The following CRTAC1 variants were observed in gnomAD, a reference collection of about 807,000 sequenced individuals.
The protein encoded by CRTAC1 is acidic secreted protein in cartilage.
In CRTAC1, 37 loss-of-function variants were observed where a neutral mutation model predicts 67.8. The observed-to-expected ratio is 0.55, with a 90% CI of 0.42 to 0.72. The LOEUF (loss-of-function observed/expected upper bound fraction) is 0.72, where lower values mean the gene tolerates loss of function less well. CRTAC1 is among the 30% of genes least tolerant of loss of function. The pLI, the probability that CRTAC1 is intolerant of heterozygous loss-of-function variation, is 0.00. For synonymous variants in CRTAC1, 348 were observed against 371.0 expected (o/e 0.94, Z 0.71); for missense variants, 780 against 931.6 (o/e 0.84, Z 2.12).
At chr10:97,925,364 C>T (rs2050897292) in intron 3 of CRTAC1, among the ~76,000 whole-genome samples, 1 of 151,168 alleles carries the variant, frequency 6.6e-6, no homozygotes, top group African/African-American at 2.4e-5. Context: ...GAGACAATGG[C>T]TGAGAATGAG....
At chr10:97,899,397 AG>A (rs1257498685) in intron 8 of CRTAC1, among the ~76,000 whole-genome samples, 2 of 152,150 alleles carry the variant, frequency 1.3e-5, no homozygotes, top group African/African-American at 4.8e-5. Context: ...TCCCCGCTGC[AG>A]GGGACGCTGG....
intron 2 of CRTAC1, among the ~76,000 whole-genome samples, chr10:98,007,749 C>A (rs1354943871): frequency 6.6e-6 from 1 of 152,170 alleles, no homozygotes; most frequent in Non-Finnish European, 1.5e-5. Context: ...ACTCCAAAGT[C>A]CTATAGGACC....
chr10:97,874,121 C>T (rs1236765556), intron 14 of CRTAC1, among the ~76,000 whole-genome samples: 2 of 152,226 alleles, frequency 1.3e-5, no homozygotes, highest in South Asian at 2.1e-4. Context: ...TGAGGAGCAG[C>T]CGGCAACCCG....
At chr10:97,874,982 C>A (rs1300923642) in intron 14 of CRTAC1, among the ~76,000 whole-genome samples, 1 of 152,180 alleles carries the variant, frequency 6.6e-6, no homozygotes, top group Non-Finnish European at 1.5e-5. Context: ...AGGGCAGGGA[C>A]CTTTGCCAGT....
In CRTAC1 at chr10:98,029,749, GCCCCATCAAAGCCTCCAAGTGC is replaced by G. The variant is rs540876004; in HGVS notation, c.24+678_24+699del. ...GCATGCCCCCAAGCCCGGCCTGGCT[GCCCCATCAAAGCCTCCAAGTGC>G]CCCCACGGGGTCGAGGAGGACTCAG... On this transcript the variant is annotated intron_variant, in intron 1 of 14. Coordinates refer to ENST00000370597, the MANE Select transcript of CRTAC1 (RefSeq NM_018058.7). This position sits in a 1 kb window ranked among gnomAD's most constrained non-coding sequence, Gnocchi z 4.7. 7.9e-3 allele frequency among the ~76,000 whole-genome samples: 1,198 copies of G among 152,320 alleles called. 5 individuals carry two copies. The highest frequency in any genetic ancestry group is 0.017 in the South Asian group (84 of 4,826).
Position 97,895,489 on chromosome 10 carries a change from C to T in CRTAC1, c.1318-76G>A, listed in dbSNP as rs534904629. On this transcript the variant is annotated intron_variant, in intron 10 of 14. Transcript: ENST00000370597. This position sits in a 1 kb window ranked among gnomAD's most constrained non-coding sequence, Gnocchi z 4.2. ...GGGAAGAGCAGGGAGCCAGGGAGGA[C>T]GGGAGGGGGAGAGGGAGAAGAAGGA... 196 of 1,317,932 alleles carry T rather than the reference C, an allele frequency of 1.5e-4. No individual in the cohort carries two copies. The highest frequency in any genetic ancestry group is 2.5e-4 in the South Asian group (17 of 68,752). 81.6% of individuals were successfully genotyped at this position (1,317,932 alleles called of 1,614,324 possible). A position where few individuals can be genotyped will look rare whatever the true frequency, so the allele number is the denominator to read the frequency against.
At chr10:98,013,362 TA>T (rs373415977) in intron 1 of CRTAC1, among the ~76,000 whole-genome samples, 255 of 152,366 alleles carry the variant, frequency 1.7e-3, no homozygotes, top group African/African-American at 5.7e-3. Flanking sequence ...AATATGAGCC[TA>T]AAAGTTCTAA....
At chr10:97,920,851 C>G (rs988426298) in intron 4 of CRTAC1, among the ~76,000 whole-genome samples, 1 of 152,198 alleles carries the variant, frequency 6.6e-6, no homozygotes, top group Non-Finnish European at 1.5e-5. Flanking sequence ...GCTATATAAA[C>G]AATGAGGCAT....
At chr10:97,997,531 T>C (rs1349205506) in intron 2 of CRTAC1, among the ~76,000 whole-genome samples, 2 of 145,460 alleles carry the variant, frequency 1.4e-5, no homozygotes, top group East Asian at 4.1e-4. Flanking sequence ...GCAAATATAA[T>C]AAGGAAGCAA....
At chr10:97,996,139 A>G (rs1842562662) in intron 2 of CRTAC1, among the ~76,000 whole-genome samples, 1 of 151,772 alleles carries the variant, frequency 6.6e-6, no homozygotes, top group Non-Finnish European at 1.5e-5. Context: ...CCTAGAAGAA[A>G]ACCTAGGCAT....
At chr10:97,875,290 T>C (rs1461381522) in intron 14 of CRTAC1, among the ~76,000 whole-genome samples, 1 of 152,244 alleles carries the variant, frequency 6.6e-6, no homozygotes, top group Non-Finnish European at 1.5e-5. Flanking sequence ...GTGTGAGTAT[T>C]CATGGAGACA....
chr10:97,934,747 C>A (rs2051056215), intron 3 of CRTAC1, among the ~76,000 whole-genome samples: 1 of 152,092 alleles, frequency 6.6e-6, no homozygotes, highest in Non-Finnish European at 1.5e-5. Flanking sequence ...GGGCTTCATC[C>A]AAAGCTGACC....
chr10:97,923,524 G>A (rs1381174586), intron 3 of CRTAC1, 124 bp from the exon 4 acceptor site: 12 of 1,150,626 alleles, frequency 1.0e-5, no homozygotes, highest in African/African-American at 4.5e-5. Context: ...GGTCATCTGC[G>A]GCAAGGAAGA....
intron 3 of CRTAC1, among the ~76,000 whole-genome samples, chr10:97,925,243 C>G (rs2050895608): frequency 1.3e-5 from 2 of 152,170 alleles, no homozygotes; most frequent in Admixed American, 1.3e-4. Flanking sequence ...TGCACTCCAG[C>G]CTGGGTGACA....
Position 98,011,262 on chromosome 10 carries a change from TGG to T in CRTAC1, c.98_99del (p.Pro33HisfsTer13). On this transcript the variant is annotated frameshift_variant, in exon 2 of 15. Transcript: ENST00000370597. LOFTEE classifies it high-confidence loss of function. Reference sequence around the variant, plus strand: ...ACTGAGTTGGTGACTGCAGTGAACATGGGTTCAGCCCGCTGGGACCCCTCAGT... The same window carrying T: ...ACTGAGTTGGTGACTGCAGTGAACATGTTCAGCCCGCTGGGACCCCTCAGT... ...PITEGSQRAE[P>X]MFTAVTNSVL... 6.2e-7 allele frequency: 1 copy of T among 1,614,184 alleles called. No homozygotes were observed. Among genetic ancestry groups the T allele is most frequent in the Non-Finnish European group, 8.5e-7 (1 of 1,180,030 alleles).
At chr10:98,024,558 T>C (rs1453892077) in intron 1 of CRTAC1, among the ~76,000 whole-genome samples, 4 of 152,162 alleles carry the variant, frequency 2.6e-5, no homozygotes, top group African/African-American at 9.7e-5. Flanking sequence ...CTCTGGATGC[T>C]GATCAGATTT....
chr10:98,000,215 C>A (rs932517038), intron 2 of CRTAC1, among the ~76,000 whole-genome samples: 2 of 152,222 alleles, frequency 1.3e-5, no homozygotes, highest in African/African-American at 4.8e-5. Context: ...CTGAAACATG[C>A]CCCTTGCTCT....
intron 1 of CRTAC1, among the ~76,000 whole-genome samples, chr10:98,026,405 T>G (rs754320828): frequency 1.3e-5 from 2 of 152,182 alleles, no homozygotes; most frequent in Non-Finnish European, 2.9e-5. Flanking sequence ...TCTCAAGCTC[T>G]CTACCCACTC....
chr10:97,931,977 C>G (rs972752992), intron 3 of CRTAC1, among the ~76,000 whole-genome samples: 4 of 152,168 alleles, frequency 2.6e-5, no homozygotes, highest in African/African-American at 9.7e-5. Flanking sequence ...GCCTGAGATG[C>G]TACTCAGTGG....
Sources: allele counts gnomAD v4.1 joint callset (sites outside exome capture counted in the v4.1 genomes callset), GRCh38; gene constraint gnomAD v4.1.1; non-coding constraint Gnocchi (gnomAD v3.1); transcripts MANE v1.5; gene names NCBI Gene and HGNC (gene_info 2026-07-23, HGNC 2026-07-21).